YPEL1: variants seen among roughly 807,000 people sequenced by gnomAD.
YPEL1 encodes protein yippee-like 1.
A neutral mutation model predicts 17.3 loss-of-function variants in YPEL1; 7 were observed. The ratio of observed to expected loss-of-function variants is 0.40; its 90% confidence interval spans 0.23 to 0.76. The LOEUF is 0.76. Among genes scored for constraint, YPEL1 ranks in the 30% least tolerant of loss-of-function variants. YPEL1 has a pLI of 0.35. For missense variants in YPEL1, 91 were observed against 155.5 expected (o/e 0.59, Z 2.21); for synonymous variants, 59 against 59.6 (o/e 0.99, Z 0.05).
In YPEL1 at chr22:21,729,053, G is replaced by T. The variant is rs1245189969; in HGVS notation, c.-165+6562C>A. Among the ~76,000 whole-genome samples, 5 of 152,044 alleles carry T rather than the reference G, an allele frequency of 3.3e-5. No homozygotes were observed. The East Asian group carries it at 7.7e-4, about 24-fold the overall frequency. On this transcript the variant is annotated intron_variant, in intron 1 of 4. Coordinates refer to ENST00000339468, the MANE Select transcript of YPEL1 (RefSeq NM_013313.5). ...AGCTACTTGGGAGGCTGAGGCAGGA[G>T]AATTGCTTGAACCCAGGAGGCAGAG...
chr22:21,713,293 C>T (rs1193029004), intron 1 of YPEL1, among the ~76,000 whole-genome samples: 4 of 152,170 alleles, frequency 2.6e-5, no homozygotes, highest in Admixed American at 2.6e-4. Flanking sequence ...AACAGGGTCT[C>T]AAAGCCATGT....
In YPEL1 at chr22:21,697,691, A is replaced by G. The variant is rs2067992962; in HGVS notation, c.*3438T>C. 1 of 152,502 alleles carries G rather than the reference A, an allele frequency of 6.6e-6. No homozygotes were observed. Among genetic ancestry groups the G allele is most frequent in the Non-Finnish European group, 1.5e-5 (1 of 68,140 alleles). 9.4% of individuals were successfully genotyped at this position (152,502 alleles called of 1,614,324 possible). A position where few individuals can be genotyped will look rare whatever the true frequency, so the allele number is the denominator to read the frequency against. On this transcript the variant is annotated 3_prime_UTR_variant, in exon 5 of 5. Coordinates refer to ENST00000339468, the MANE Select transcript of YPEL1 (RefSeq NM_013313.5). ...GTGAAGCCACCATGGGTGACCGTCCAGCCTCACCCGGTGGCCTGCACAGTG... is the reference window on the plus strand; with the variant it reads ...GTGAAGCCACCATGGGTGACCGTCCGGCCTCACCCGGTGGCCTGCACAGTG...
chr22:21,730,845 C>T, intron 1 of YPEL1, among the ~76,000 whole-genome samples: 1 of 152,230 alleles, frequency 6.6e-6, no homozygotes, highest in South Asian at 2.1e-4. Context: ...GGGCCTGGCT[C>T]CTCCATTGCC....
chr22:21,701,715 G>C (rs765654873), intron 4 of YPEL1, among the ~76,000 whole-genome samples: 1 of 152,200 alleles, frequency 6.6e-6, no homozygotes. Context: ...CAGGAATTCC[G>C]TGCATAACTA....
At chr22:21,729,203 T>C (rs1283843904) in intron 1 of YPEL1, among the ~76,000 whole-genome samples, 1 of 151,810 alleles carries the variant, frequency 6.6e-6, no homozygotes, top group Non-Finnish European at 1.5e-5. Flanking sequence ...GCCAGCTACT[T>C]GGAAGGCTAA....
chr22:21,729,324 A>G (rs1260916952), intron 1 of YPEL1, among the ~76,000 whole-genome samples: 5 of 151,394 alleles, frequency 3.3e-5, no homozygotes, highest in Non-Finnish European at 5.9e-5. Context: ...AAAAAAGTTG[A>G]TAAGGTCAGG....
intron 2 of YPEL1, among the ~76,000 whole-genome samples, chr22:21,704,732 A>G (rs536102083): frequency 1.9e-3 from 284 of 151,808 alleles, no homozygotes; most frequent in African/African-American, 6.6e-3. Context: ...AGTGACATCT[A>G]TCTCACCAGG....
At chr22:21,734,376 T>C (rs1214262995) in intron 1 of YPEL1, among the ~76,000 whole-genome samples, 6 of 152,220 alleles carry the variant, frequency 3.9e-5, no homozygotes, top group Admixed American at 3.9e-4. Flanking sequence ...TAGGGAGCAC[T>C]GGGTGTAGGA....
chr22:21,713,098 C>T (rs944091081), intron 1 of YPEL1, among the ~76,000 whole-genome samples: 4 of 152,242 alleles, frequency 2.6e-5, no homozygotes, highest in South Asian at 2.1e-4. Context: ...ACTATCAACG[C>T]GCACACACGG....
At chr22:21,727,858 G>A (rs1249618000) in intron 1 of YPEL1, among the ~76,000 whole-genome samples, 4 of 152,206 alleles carry the variant, frequency 2.6e-5, no homozygotes, top group East Asian at 1.9e-4. Flanking sequence ...CACCTGGCAG[G>A]TGAGTGTGGG....
At chr22:21,723,413 G>T (rs145832675) in intron 1 of YPEL1, among the ~76,000 whole-genome samples, 1,538 of 152,198 alleles carry the variant, frequency 0.01, 29 homozygotes, top group African/African-American at 0.035. Context: ...TGTCATCCAG[G>T]CTGGAGTGCA....
chr22:21,720,250 C>T (rs542460769), intron 1 of YPEL1, among the ~76,000 whole-genome samples: 30 of 151,206 alleles, frequency 2.0e-4, no homozygotes, highest in African/African-American at 6.1e-4. Context: ...TTGCCGAGGC[C>T]GGAGTGCAGT....
At chr22:21,732,123 G>C (rs2068393483) in intron 1 of YPEL1, among the ~76,000 whole-genome samples, 1 of 152,208 alleles carries the variant, frequency 6.6e-6, no homozygotes, top group African/African-American at 2.4e-5. Context: ...CCTGCCAACA[G>C]GTTTTTGGTA....
intron 1 of YPEL1, among the ~76,000 whole-genome samples, chr22:21,712,586 C>T (rs1315295356): frequency 1.3e-5 from 2 of 151,422 alleles, no homozygotes; most frequent in Admixed American, 6.6e-5. Flanking sequence ...ATTAGCCGGG[C>T]GTGGTGGCGG....
Position 21,700,218 on chromosome 22 carries a change from G to T in YPEL1, c.*911C>A. 1 of 152,384 alleles carries T rather than the reference G, an allele frequency of 6.6e-6. No homozygotes were observed. The allele number at this position is 152,384 out of a possible 1,614,324, so 9.4% of individuals were successfully genotyped here. A position where few individuals can be genotyped will look rare whatever the true frequency, so the allele number is the denominator to read the frequency against. On this transcript the variant is annotated 3_prime_UTR_variant, in exon 5 of 5. Coordinates refer to ENST00000339468, the MANE Select transcript of YPEL1 (RefSeq NM_013313.5). ...ATTTAAGAAAAACAGCGGGGTGGAG[G>T]GTGGGCTACAATACCTTTTCTCTAA...
intron 1 of YPEL1, among the ~76,000 whole-genome samples, chr22:21,713,451 C>G (rs976319631): frequency 6.6e-6 from 1 of 152,110 alleles, no homozygotes; most frequent in African/African-American, 2.4e-5. Context: ...GGAGGGGGCT[C>G]CTGTCACAGC....
At chr22:21,725,081 A>AT (rs1390660823) in intron 1 of YPEL1, among the ~76,000 whole-genome samples, 1 of 143,708 alleles carries the variant, frequency 7.0e-6, no homozygotes, top group Non-Finnish European at 1.5e-5. Flanking sequence ...CTAATTTTAT[A>AT]TTTTTTTAGT....
chr22:21,707,286 G>A (rs900379159), intron 2 of YPEL1, among the ~76,000 whole-genome samples: 4 of 152,024 alleles, frequency 2.6e-5, no homozygotes, highest in East Asian at 1.9e-4. Flanking sequence ...GTGTGGTGGC[G>A]CACACCTGTA....
intron 1 of YPEL1, among the ~76,000 whole-genome samples, chr22:21,718,539 A>G (rs1213794953): frequency 6.6e-6 from 1 of 152,090 alleles, no homozygotes; most frequent in Non-Finnish European, 1.5e-5. Context: ...TCAATGTGAC[A>G]TGAAAGAGAG....
Sources: allele counts gnomAD v4.1 joint callset (sites outside exome capture counted in the v4.1 genomes callset), GRCh38; gene constraint gnomAD v4.1.1; transcripts MANE v1.5; gene names NCBI Gene and HGNC (gene_info 2026-07-23, HGNC 2026-07-21).